EXTL3: variants seen among roughly 807,000 people sequenced by gnomAD.
EXTL3 encodes the protein exostosin like glycosyltransferase 3, also known as exostosin-like 3.
Under a neutral mutation model 69.3 loss-of-function variants are expected in EXTL3, and 27 were observed. That is an observed-to-expected ratio of 0.39 (90% CI 0.29 to 0.54). The LOEUF (loss-of-function observed/expected upper bound fraction) is 0.54, where lower values mean the gene tolerates loss of function less well. EXTL3 is among the 20% of genes least tolerant of loss of function. The pLI, the probability that EXTL3 is intolerant of heterozygous loss-of-function variation, is 0.69. For missense variants in EXTL3, 1,003 were observed against 1,231.8 expected, an observed-to-expected ratio of 0.81 and a Z score of 2.78; for synonymous variants, 511 against 499.4, an observed-to-expected ratio of 1.02 and a Z score of -0.31.
intron 1 of EXTL3, among the ~76,000 whole-genome samples, chr8:28,672,569 A>T (rs1807314315): frequency 6.6e-6 from 1 of 152,176 alleles, no homozygotes; most frequent in Admixed American, 6.5e-5. Flanking sequence ...GATCAGCATC[A>T]ATATCACCTG....
chr8:28,660,458 A>G (rs1217741860), intron 1 of EXTL3, among the ~76,000 whole-genome samples: 1 of 152,174 alleles, frequency 6.6e-6, no homozygotes, highest in Non-Finnish European at 1.5e-5. Context: ...ATATACACAC[A>G]CACTCCCAAT....
chr8:28,681,370 T>TA (rs1807485073), intron 1 of EXTL3, among the ~76,000 whole-genome samples: 1 of 151,206 alleles, frequency 6.6e-6, no homozygotes, highest in African/African-American at 2.4e-5. Flanking sequence ...GCAAAAAAAT[T>TA]AGCTGGGCAT....
chr8:28,663,795 CA>C (rs1258879496), intron 1 of EXTL3, among the ~76,000 whole-genome samples: 1 of 152,122 alleles, frequency 6.6e-6, no homozygotes, highest in Non-Finnish European at 1.5e-5. Context: ...TTCCACTTTA[CA>C]AGACAGCGTT....
intron 2 of EXTL3, among the ~76,000 whole-genome samples, chr8:28,609,603 A>C (rs1487882517): frequency 2.6e-5 from 4 of 152,104 alleles, no homozygotes; most frequent in African/African-American, 9.7e-5. Flanking sequence ...GATGTATGCA[A>C]GGCCAGGCAC....
In EXTL3 at chr8:28,750,720, C is replaced by T; in HGVS notation, c.2614C>T (p.His872Tyr). Residue 872 changes from histidine to tyrosine, a missense_variant, in exon 7 of 7, where the codon CAC (histidine) becomes TAC (tyrosine). This residue lies in a region of EXTL3 where 261 missense variants were observed against 416.4 expected (regional missense o/e 0.63). Transcript: ENST00000220562. The surrounding 1 kb of genome is among the most constrained non-coding windows in gnomAD (Gnocchi z 5.2). ...CPQALSHDDS[H>Y]FHERHKCINF... ...TCAGGCCCTGTCTCATGATGACTCC[C>T]ACTTCCACGAGCGGCACAAGTGCAT... 1.2e-6 allele frequency: 2 copies of T among 1,614,230 alleles called. No individual in the cohort carries two copies. Among genetic ancestry groups the T allele is most frequent in the Non-Finnish European group, 1.7e-6 (2 of 1,180,050 alleles).
At chr8:28,671,522 T>C (rs1807294137) in intron 1 of EXTL3, among the ~76,000 whole-genome samples, 1 of 151,790 alleles carries the variant, frequency 6.6e-6, no homozygotes, top group Admixed American at 6.6e-5. Flanking sequence ...GTGTTTTTAG[T>C]AGAGATGGGG....
At chr8:28,632,091 C>T (rs896457032) in intron 1 of EXTL3, among the ~76,000 whole-genome samples, 4 of 145,992 alleles carry the variant, frequency 2.7e-5, no homozygotes, top group East Asian at 4.0e-4. Flanking sequence ...GACTCCATCC[C>T]GCCACCACCC....
At chr8:28,660,476 A>G (rs1006678380) in intron 1 of EXTL3, among the ~76,000 whole-genome samples, 1 of 152,060 alleles carries the variant, frequency 6.6e-6, no homozygotes, top group African/African-American at 2.4e-5. Context: ...AATTATATAT[A>G]TGTGTGTGTG....
At chr8:28,647,322 C>T (rs972225529) in intron 1 of EXTL3, among the ~76,000 whole-genome samples, 1 of 152,080 alleles carries the variant, frequency 6.6e-6, no homozygotes, top group Non-Finnish European at 1.5e-5. Flanking sequence ...CCAGGCTGGT[C>T]TCGAACTCCT....
At chr8:28,710,890 C>T (rs902544945) in intron 1 of EXTL3, among the ~76,000 whole-genome samples, 6 of 152,118 alleles carry the variant, frequency 3.9e-5, no homozygotes, top group South Asian at 4.2e-4. Flanking sequence ...CAGGGCAATG[C>T]TAGGTTTATA....
At chr8:28,710,527 T>C (rs1279737796) in intron 1 of EXTL3, 1 of 456,112 alleles carries the variant, frequency 2.2e-6, no homozygotes, top group Admixed American at 2.4e-5. Context: ...ATTTTTATGC[T>C]TCTGGATAGG....
chr8:28,713,056 C>T (rs565663126), intron 1 of EXTL3, among the ~76,000 whole-genome samples: 1 of 152,310 alleles, frequency 6.6e-6, no homozygotes, highest in South Asian at 2.1e-4. Context: ...CAAACATTCC[C>T]CGCCACCCTC....
In EXTL3 at chr8:28,751,292, C is replaced by G. The variant is rs1801998487; in HGVS notation, c.*426C>G. The G allele has an allele frequency of 5.4e-6, 1 of 184,916 alleles. No homozygotes were observed. The highest frequency in any genetic ancestry group is 1.2e-4 in the South Asian group (1 of 8,562). 11.5% of individuals were successfully genotyped at this position (184,916 alleles called of 1,614,324 possible). ...ATAAATACATGCACACACTTGCATA[C>G]ATATATATTTTTGGCTGGGGGAGTG... On this transcript the variant is annotated 3_prime_UTR_variant, in exon 7 of 7. Coordinates refer to ENST00000220562, the MANE Select transcript of EXTL3 (RefSeq NM_001440.4).
chr8:28,608,042 A>G (rs886237009), intron 2 of EXTL3, among the ~76,000 whole-genome samples: 14 of 151,606 alleles, frequency 9.2e-5, no homozygotes, highest in Admixed American at 3.3e-4. Context: ...CCCGGGAGGC[A>G]GAGCTTGCAG....
In EXTL3 at chr8:28,645,943, G is replaced by A. The variant is rs143455955; in HGVS notation, c.-53+23133G>A. Reference sequence around the variant, plus strand: ...GGTGTTGTGATCATGGCTCACTGCAGCCTCAACTTCTCAGGCTCCGGAGAT... The same window carrying A: ...GGTGTTGTGATCATGGCTCACTGCAACCTCAACTTCTCAGGCTCCGGAGAT... On this transcript the variant is annotated intron_variant, in intron 1 of 6. Coordinates refer to the EXTL3 transcript ENST00000523149. Among the ~76,000 whole-genome samples the A allele has an allele frequency of 2.6e-5, 4 of 151,944 alleles. No individual in the cohort carries two copies. The East Asian group carries it at 7.7e-4, about 29-fold the overall frequency.
At chr8:28,739,296 C>T (rs1801725468) in intron 5 of EXTL3, among the ~76,000 whole-genome samples, 1 of 152,152 alleles carries the variant, frequency 6.6e-6, no homozygotes, top group Non-Finnish European at 1.5e-5. Context: ...TTGCCAGTCA[C>T]CTCAAATAGA....
chr8:28,624,004 GTTGAC>G (rs762219138), intron 1 of EXTL3, among the ~76,000 whole-genome samples: 63 of 152,270 alleles, frequency 4.1e-4, no homozygotes, highest in Non-Finnish European at 2.1e-4. Context: ...AGTCATACCT[GTTGAC>G]TTGAGATAAT....
chr8:28,664,406 A>G (rs1807162360), intron 1 of EXTL3, among the ~76,000 whole-genome samples: 1 of 152,040 alleles, frequency 6.6e-6, no homozygotes, highest in Admixed American at 6.6e-5. Context: ...TGTTTGAGAC[A>G]GGGTCTTGCT....
At chr8:28,669,239 C>T (rs866666266) in intron 1 of EXTL3, among the ~76,000 whole-genome samples, 2 of 152,174 alleles carry the variant, frequency 1.3e-5, no homozygotes, top group Non-Finnish European at 2.9e-5. Context: ...TTCTTCAATT[C>T]GCACTGCACT....
Sources: allele counts gnomAD v4.1 joint callset (sites outside exome capture counted in the v4.1 genomes callset), GRCh38; gene constraint gnomAD v4.1.1; regional missense constraint gnomAD v4.1.1; non-coding constraint Gnocchi (gnomAD v3.1); transcripts MANE v1.5; gene names NCBI Gene and HGNC (gene_info 2026-07-23, HGNC 2026-07-21).